Variants in RPSA2 observed in about 807,000 individuals in gnomAD.
The protein encoded by RPSA2 is ribosomal protein SA 2.
chr19:23,824,385 A>G, the RPSA2 span, among the ~76,000 whole-genome samples: 33 of 151,942 alleles, frequency 2.2e-4, no homozygotes, highest in African/African-American at 7.7e-4. Flanking sequence ...GTTGTGAAGT[A>G]ACCTTGAGTT....
chr19:23,838,814 G>C, the RPSA2 span, among the ~76,000 whole-genome samples: 2 of 151,994 alleles, frequency 1.3e-5, no homozygotes, highest in African/African-American at 4.8e-5. Flanking sequence ...TCATTTCTCA[G>C]TGAGGTTATT....
At chr19:23,861,743 T>TTG in the RPSA2 span, among the ~76,000 whole-genome samples, 38 of 152,276 alleles carry the variant, frequency 2.5e-4, no homozygotes, top group African/African-American at 8.9e-4. Context: ...GGTCTAACTT[T>TTG]TGTGGTCAAA....
At chr19:23,867,703 G>T in the RPSA2 span, among the ~76,000 whole-genome samples, 1 of 152,004 alleles carries the variant, frequency 6.6e-6, no homozygotes, top group African/African-American at 2.4e-5. Flanking sequence ...GGTGGCGGGC[G>T]CCTGTAGTCC....
the RPSA2 span, chr19:23,799,326 A>G: frequency 6.6e-6 from 1 of 152,082 alleles, no homozygotes; most frequent in African/African-American, 2.4e-5. Context: ...CACAGTGAGA[A>G]CTCTTGGAGC....
the RPSA2 span, chr19:23,832,093 A>G: frequency 2.2e-6 from 1 of 455,726 alleles, no homozygotes; most frequent in South Asian, 1.7e-5. Flanking sequence ...GCAACACTCA[A>G]CCCTTACTAC....
chr19:23,790,792 G>A, the RPSA2 span: 37 of 529,902 alleles, frequency 7.0e-5, no homozygotes, highest in Admixed American at 8.8e-4. Flanking sequence ...TGCCAGTTCC[G>A]ACATCTGGAG....
At chr19:23,821,028 T>G in the RPSA2 span, among the ~76,000 whole-genome samples, 1 of 152,182 alleles carries the variant, frequency 6.6e-6, no homozygotes, top group Non-Finnish European at 1.5e-5. Context: ...TGGTTCTGAT[T>G]GAATTGGGAG....
the RPSA2 span, among the ~76,000 whole-genome samples, chr19:23,813,922 C>T: frequency 6.6e-6 from 1 of 151,776 alleles, no homozygotes; most frequent in Non-Finnish European, 1.5e-5. Context: ...GGGGTTTCAC[C>T]ATGTTAGTCA....
chr19:23,766,180 T>C, the RPSA2 span, among the ~76,000 whole-genome samples: 3 of 126,748 alleles, frequency 2.4e-5, no homozygotes, highest in Non-Finnish European at 3.2e-5. Flanking sequence ...TGAGATGGAG[T>C]CTCACTCTCT....
At chr19:23,782,727 A>G in the RPSA2 span, among the ~76,000 whole-genome samples, 2 of 152,020 alleles carry the variant, frequency 1.3e-5, no homozygotes, top group African/African-American at 2.4e-5. Flanking sequence ...ATGCCACGTG[A>G]CATAGCTCCT....
the RPSA2 span, among the ~76,000 whole-genome samples, chr19:23,806,234 G>A: frequency 6.6e-6 from 1 of 151,492 alleles, no homozygotes; most frequent in African/African-American, 2.4e-5. Context: ...TAGTAGAGAC[G>A]GGGTTTTACC....
At chr19:23,812,388 C>CTTTTTTTTTT in the RPSA2 span, among the ~76,000 whole-genome samples, 100 of 114,134 alleles carry the variant, frequency 8.8e-4, no homozygotes, top group South Asian at 1.2e-3. Context: ...CTCTTTTTCT[C>CTTTTTTTTTT]TTTTTTTTTT....
chr19:23,864,631 C>T, the RPSA2 span, among the ~76,000 whole-genome samples: 1 of 152,074 alleles, frequency 6.6e-6, no homozygotes, highest in Non-Finnish European at 1.5e-5. Flanking sequence ...ATATTCATCA[C>T]CACAAATTAG....
chr19:23,852,950 A>C, the RPSA2 span, among the ~76,000 whole-genome samples: 9 of 152,286 alleles, frequency 5.9e-5, no homozygotes, highest in East Asian at 9.7e-4. Context: ...AGCTTCTGTA[A>C]CTCAGCGGCT....
chr19:23,845,855 AT>A, the RPSA2 span, among the ~76,000 whole-genome samples: 1 of 152,118 alleles, frequency 6.6e-6, no homozygotes, highest in Non-Finnish European at 1.5e-5. Context: ...TTGTTTGTAA[AT>A]TTATAGTTTC....
chr19:23,868,303 G>A, the RPSA2 span, among the ~76,000 whole-genome samples: 4 of 152,152 alleles, frequency 2.6e-5, no homozygotes, highest in Non-Finnish European at 4.4e-5. Flanking sequence ...CAAGCCAAAT[G>A]GGTGAGACAT....
chr19:23,867,211 A>G, the RPSA2 span, among the ~76,000 whole-genome samples: 1 of 152,156 alleles, frequency 6.6e-6, no homozygotes, highest in Non-Finnish European at 1.5e-5. Flanking sequence ...TCCAGTAAGG[A>G]TTGACCCCCA....
chr19:23,778,995 C>CT, the RPSA2 span, among the ~76,000 whole-genome samples: 8,909 of 79,810 alleles, frequency 0.11, 1,301 homozygotes, highest in South Asian at 0.12. Context: ...TTTTGTGACA[C>CT]TTTTTTTTTT....
the RPSA2 span, among the ~76,000 whole-genome samples, chr19:23,851,121 A>G: frequency 6.6e-6 from 1 of 152,222 alleles, no homozygotes; most frequent in African/African-American, 2.4e-5. Flanking sequence ...TAGCCCAAAT[A>G]AAGCCTGAAA....
Sources: gnomAD v4.1 joint callset for allele counts (sites outside exome capture counted in the v4.1 genomes callset) on GRCh38, gnomAD v4.1.1 for gene constraint, MANE v1.5 for transcripts, NCBI Gene and HGNC (gene_info 2026-07-23, HGNC 2026-07-21) for gene names.